Variants in FCHO2 observed in about 807,000 individuals in gnomAD.
FCHO2 encodes the protein FCH and mu domain containing endocytic adaptor 2, also known as F-BAR domain only protein 2.
FCHO2 carries 43 observed loss-of-function variants against 114.1 expected under a neutral mutation model. That is an observed-to-expected ratio of 0.38 (90% CI 0.30 to 0.49). The LOEUF (loss-of-function observed/expected upper bound fraction) is 0.49. FCHO2 is among the 20% of genes least tolerant of loss of function. FCHO2 has a pLI of 0.97. For synonymous variants in FCHO2, 293 were observed against 315.2 expected (o/e 0.93, Z 0.75); for missense variants, 807 against 950.4 (o/e 0.85, Z 1.98).
At chr5:73,028,681 C>A in intron 8 of FCHO2, among the ~76,000 whole-genome samples, 1 of 132,310 alleles carries the variant, frequency 7.6e-6, no homozygotes, top group South Asian at 2.4e-4. Context: ...ACAAGAGTCT[C>A]GCTCTGTCAC....
chr5:73,003,605 A>C (rs1754562044), intron 5 of FCHO2, among the ~76,000 whole-genome samples: 1 of 152,240 alleles, frequency 6.6e-6, no homozygotes, highest in Non-Finnish European at 1.5e-5. Context: ...TGTCTTTATC[A>C]ATAGCTGGCA....
In FCHO2 at chr5:73,077,503, C is replaced by A; in HGVS notation, c.1847+10C>A. ...CACAGCTTGTGTTCAGGTTTGTGTA[C>A]TTTTTGTTTTGAAGGTTGAAATTTC... is the stretch of plus-strand genomic sequence containing the variant. On this transcript the variant is annotated intron_variant, in intron 21 of 25. Transcript: ENST00000430046. The A allele has an allele frequency of 6.3e-7, 1 of 1,582,560 alleles. No homozygotes were observed. The highest frequency in any genetic ancestry group is 8.6e-7 in the Non-Finnish European group (1 of 1,163,446).
intron 2 of FCHO2, among the ~76,000 whole-genome samples, chr5:72,982,622 A>C (rs1214646719): frequency 6.6e-6 from 1 of 152,172 alleles, no homozygotes; most frequent in Non-Finnish European, 1.5e-5. Flanking sequence ...TCATCACCAT[A>C]GCCAAGGTCT....
At chr5:73,021,043 T>C (rs1184323064) in intron 8 of FCHO2, 5 of 1,104,720 alleles carry the variant, frequency 4.5e-6, no homozygotes, top group Non-Finnish European at 7.0e-6. Context: ...CATGAATCCA[T>C]GGAAGTTTAC....
At chr5:73,051,838 G>A (rs1757352614) in intron 12 of FCHO2, among the ~76,000 whole-genome samples, 1 of 152,088 alleles carries the variant, frequency 6.6e-6, no homozygotes, top group South Asian at 2.1e-4. Flanking sequence ...CCAAAGTGCT[G>A]GGATTACAGG....
chr5:73,003,283 G>A (rs1342449627), intron 5 of FCHO2, among the ~76,000 whole-genome samples: 1 of 151,996 alleles, frequency 6.6e-6, no homozygotes, highest in East Asian at 1.9e-4. Flanking sequence ...TAAGAGCTGG[G>A]GTTACAGGCA....
At chr5:73,004,815 A>G (rs1754630116) in intron 5 of FCHO2, among the ~76,000 whole-genome samples, 1 of 152,206 alleles carries the variant, frequency 6.6e-6, no homozygotes, top group African/African-American at 2.4e-5. Flanking sequence ...ATGTTATTAC[A>G]GTATGTTGTT....
intron 19 of FCHO2, among the ~76,000 whole-genome samples, chr5:73,070,956 G>A (rs763176594): frequency 2.0e-5 from 3 of 152,042 alleles, no homozygotes; most frequent in African/African-American, 7.2e-5. Flanking sequence ...ACCAGGTATT[G>A]TATCAGAAGC....
chr5:72,961,398 G>T (rs1751854408), intron 1 of FCHO2, among the ~76,000 whole-genome samples: 1 of 151,986 alleles, frequency 6.6e-6, no homozygotes, highest in Non-Finnish European at 1.5e-5. Flanking sequence ...ATTGTAGTTT[G>T]GGATACCTGT....
At chr5:73,027,509 T>G (rs1756003809) in intron 8 of FCHO2, among the ~76,000 whole-genome samples, 1 of 152,114 alleles carries the variant, frequency 6.6e-6, no homozygotes, top group African/African-American at 2.4e-5. Context: ...ACAAAGATTT[T>G]TAAAAATTTT....
intron 6 of FCHO2, among the ~76,000 whole-genome samples, chr5:73,007,116 C>T (rs889092355): frequency 6.6e-6 from 1 of 152,186 alleles, no homozygotes; most frequent in African/African-American, 2.4e-5. Flanking sequence ...CTGCTTAGCA[C>T]CTATCGTGAT....
chr5:72,997,524 G>A (rs1447749227), intron 5 of FCHO2: 2 of 1,387,824 alleles, frequency 1.4e-6, no homozygotes, highest in African/African-American at 2.8e-5. Flanking sequence ...ATCAAATCCT[G>A]GTTCAGTGAC....
chr5:72,970,263 A>G (rs1752447456), intron 2 of FCHO2, among the ~76,000 whole-genome samples: 1 of 152,234 alleles, frequency 6.6e-6, no homozygotes, highest in African/African-American at 2.4e-5. Context: ...ATACAACAGA[A>G]TATTGTCTCA....
At chr5:73,069,788 G>C (rs995035894) in intron 19 of FCHO2, among the ~76,000 whole-genome samples, 7 of 152,020 alleles carry the variant, frequency 4.6e-5, no homozygotes, top group Admixed American at 3.9e-4. Flanking sequence ...TCTAGACTTT[G>C]CTCAAGAGTT....
chr5:72,968,539 G>A lies in FCHO2; in HGVS notation c.75G>A (p.Met25Ile). 6.5e-7 allele frequency: 1 copy of A among 1,549,070 alleles called. No individual in the cohort carries two copies. Among genetic ancestry groups the A allele is most frequent in the Non-Finnish European group, 8.7e-7 (1 of 1,156,006 alleles). The part of the protein sequence containing the change: ...NSGFDVLYHN[M>I]KHGQISTKEL... ...GCTTTGATGTCCTCTACCATAATAT[G>A]AAACATGGACAGATATCAACAAAAG... The change falls in exon 2 of 26, where the codon ATG becomes ATA. Residue 25 changes from methionine (M) to isoleucine (I), a missense_variant. Coordinates refer to ENST00000430046, the MANE Select transcript of FCHO2 (RefSeq NM_138782.3).
intron 2 of FCHO2, among the ~76,000 whole-genome samples, chr5:72,974,492 T>G (rs1752748790): frequency 6.6e-6 from 1 of 150,812 alleles, no homozygotes; most frequent in African/African-American, 2.5e-5. Context: ...TTTGTTGGTT[T>G]AAAGTCTGTT....
intron 8 of FCHO2, among the ~76,000 whole-genome samples, chr5:73,023,900 A>G (rs1014117837): frequency 6.6e-6 from 1 of 152,114 alleles, no homozygotes; most frequent in African/African-American, 2.4e-5. Flanking sequence ...CTACTTGTCA[A>G]CCTACTCATT....
intron 2 of FCHO2, among the ~76,000 whole-genome samples, chr5:72,988,354 C>T (rs1753645909): frequency 6.6e-6 from 1 of 152,088 alleles, no homozygotes; most frequent in African/African-American, 2.4e-5. Flanking sequence ...AGGAGAATCG[C>T]TTGAATCCGG....
chr5:72,983,617 G>A (rs1352235300), intron 2 of FCHO2, among the ~76,000 whole-genome samples: 1 of 134,856 alleles, frequency 7.4e-6, no homozygotes, highest in Non-Finnish European at 1.5e-5. Context: ...TCAAACTCCT[G>A]TGCTCAAATG....
Sources: allele counts gnomAD v4.1 joint callset (sites outside exome capture counted in the v4.1 genomes callset), GRCh38; gene constraint gnomAD v4.1.1; transcripts MANE v1.5; gene names NCBI Gene and HGNC (gene_info 2026-07-23, HGNC 2026-07-21).